Variants in GMDS observed in about 807,000 individuals in gnomAD.
The protein encoded by GMDS is GDP-mannose 4,6-dehydratase, also known as GDP-mannose 4,6 dehydratase.
In GMDS, 20 loss-of-function variants were observed where a neutral mutation model predicts 49.9. The ratio of observed to expected loss-of-function variants is 0.40; its 90% CI spans 0.28 to 0.58. The LOEUF (loss-of-function observed/expected upper bound fraction) is 0.58. GMDS is among the 20% of genes least tolerant of loss of function. The pLI, the probability that GMDS is intolerant of heterozygous loss-of-function variation, is 0.42. For missense variants in GMDS, 362 were observed against 481.4 expected, an observed-to-expected ratio of 0.75 and a Z score of 2.32; for synonymous variants, 177 against 178.6, an observed-to-expected ratio of 0.99 and a Z score of 0.07.
intron 4 of GMDS, among the ~76,000 whole-genome samples, chr6:2,002,485 C>A (rs1766886770): frequency 6.6e-6 from 1 of 152,152 alleles, no homozygotes; most frequent in Non-Finnish European, 1.5e-5. Flanking sequence ...GAACTAATGT[C>A]AAATATTAAT....
chr6:1,668,922 G>C (rs1764321884), intron 9 of GMDS, among the ~76,000 whole-genome samples: 1 of 152,218 alleles, frequency 6.6e-6, no homozygotes, highest in Non-Finnish European at 1.5e-5. Context: ...CAGGAGAACA[G>C]AGCCAGTGAG....
chr6:1,691,224 C>T (rs984697830), intron 9 of GMDS, among the ~76,000 whole-genome samples: 1 of 152,112 alleles, frequency 6.6e-6, no homozygotes, highest in Admixed American at 6.6e-5. Flanking sequence ...ATCGATGAAG[C>T]TGGAAGCCAT....
intron 4 of GMDS, among the ~76,000 whole-genome samples, chr6:2,106,729 G>C (rs1187718828): frequency 1.3e-5 from 2 of 152,018 alleles, no homozygotes; most frequent in Admixed American, 6.6e-5. Context: ...TGAGCGTGGT[G>C]GTGGGCACCT....
At chr6:1,957,718 G>A (rs780414833) in intron 6 of GMDS, among the ~76,000 whole-genome samples, 4 of 152,160 alleles carry the variant, frequency 2.6e-5, no homozygotes, top group Non-Finnish European at 4.4e-5. Context: ...GGATAGGGCT[G>A]GCAGTTATCA....
rs566510891 is a variant in GMDS at position 1,796,988 on chromosome 6, G to A, written c.772-54402C>T. ...GCCCAACAAATGATCCTTAGATCAT[G>A]ACTGCTGTGTGCTCAAGCAGGGATC... On this transcript the variant is annotated intron_variant, in intron 7 of 10. Coordinates refer to ENST00000380815, the MANE Select transcript of GMDS (RefSeq NM_001500.4). 6.9e-4 allele frequency among the ~76,000 whole-genome samples: 105 copies of A among 152,296 alleles called. 1 individual carries two copies. Among genetic ancestry groups the A allele is most frequent in the Admixed American group, 2.0e-3 (30 of 15,294 alleles).
chr6:1,686,590 T>C (rs1404507276), intron 9 of GMDS, among the ~76,000 whole-genome samples: 1 of 152,250 alleles, frequency 6.6e-6, no homozygotes, highest in Non-Finnish European at 1.5e-5. Context: ...TGCATCTATT[T>C]AAAGGATCTA....
At chr6:1,631,589 T>A (rs188903165) in intron 9 of GMDS, among the ~76,000 whole-genome samples, 50 of 152,220 alleles carry the variant, frequency 3.3e-4, no homozygotes, top group Non-Finnish European at 4.0e-4. Context: ...TCTCAATGTA[T>A]ACAGTATATT....
At chr6:2,239,413 T>C (rs1341463005) in intron 1 of GMDS, among the ~76,000 whole-genome samples, 3 of 151,928 alleles carry the variant, frequency 2.0e-5, no homozygotes, top group Non-Finnish European at 4.4e-5. Flanking sequence ...AATTGCATAA[T>C]TTCTCTATTG....
intron 7 of GMDS, among the ~76,000 whole-genome samples, chr6:1,904,650 C>A (rs1760666329): frequency 6.6e-6 from 1 of 152,216 alleles, no homozygotes; most frequent in Non-Finnish European, 1.5e-5. Context: ...AACAGTGACT[C>A]GCCGGCTCCC....
At chr6:1,740,077 G>T (rs950028465) in intron 8 of GMDS, among the ~76,000 whole-genome samples, 3 of 151,964 alleles carry the variant, frequency 2.0e-5, no homozygotes, top group Non-Finnish European at 4.4e-5. Context: ...ATAAACAAAA[G>T]TGCACATATT....
At chr6:1,945,921 C>T (rs1166367196) in intron 6 of GMDS, among the ~76,000 whole-genome samples, 6 of 152,142 alleles carry the variant, frequency 3.9e-5, no homozygotes, top group Admixed American at 2.6e-4. Context: ...ATGGTATTCC[C>T]AGGATAGTGT....
At chr6:1,746,466 A>T (rs1027436475) in intron 7 of GMDS, among the ~76,000 whole-genome samples, 2 of 152,180 alleles carry the variant, frequency 1.3e-5, no homozygotes, top group Admixed American at 6.5e-5. Flanking sequence ...ATGTCCCTTA[A>T]TTGCCAAAAA....
intron 7 of GMDS, among the ~76,000 whole-genome samples, chr6:1,783,480 G>C (rs1769194072): frequency 6.6e-6 from 1 of 152,092 alleles, no homozygotes; most frequent in Non-Finnish European, 1.5e-5. Context: ...TCAAGTATCA[G>C]ACAAACACTG....
intron 4 of GMDS, among the ~76,000 whole-genome samples, chr6:2,100,964 A>C (rs549210779): frequency 6.6e-6 from 1 of 152,156 alleles, no homozygotes; most frequent in South Asian, 2.1e-4. Flanking sequence ...AGATTAGTCA[A>C]AACTCTGTTA....
intron 1 of GMDS, among the ~76,000 whole-genome samples, chr6:2,230,137 T>C (rs1781018581): frequency 6.7e-6 from 1 of 149,256 alleles, no homozygotes; most frequent in Non-Finnish European, 1.5e-5. Context: ...CTCAGAGTCC[T>C]ACCACAGGAT....
At chr6:2,081,561 T>C (rs1772698212) in intron 4 of GMDS, among the ~76,000 whole-genome samples, 1 of 151,686 alleles carries the variant, frequency 6.6e-6, no homozygotes, top group Non-Finnish European at 1.5e-5. Flanking sequence ...CTTGCTCCCC[T>C]GACCTAGGCT....
chr6:2,129,325 G>A (rs1368467392), intron 1 of GMDS, among the ~76,000 whole-genome samples: 1 of 152,074 alleles, frequency 6.6e-6, no homozygotes, highest in East Asian at 1.9e-4. Flanking sequence ...CCGCAACACA[G>A]GAAGACTAGC....
chr6:1,852,218 G>A (rs1447153479), intron 7 of GMDS, among the ~76,000 whole-genome samples: 2 of 152,174 alleles, frequency 1.3e-5, no homozygotes, highest in African/African-American at 2.4e-5. Flanking sequence ...GGGGCATTAC[G>A]CAGTTCCCTC....
intron 6 of GMDS, among the ~76,000 whole-genome samples, chr6:1,958,674 C>G (rs1004477459): frequency 1.3e-5 from 2 of 151,810 alleles, no homozygotes; most frequent in Non-Finnish European, 2.9e-5. Flanking sequence ...TTTAATCTTT[C>G]TTCATGACTT....
Sources: allele counts gnomAD v4.1 joint callset (sites outside exome capture counted in the v4.1 genomes callset), GRCh38; gene constraint gnomAD v4.1.1; transcripts MANE v1.5; gene names NCBI Gene and HGNC (gene_info 2026-07-23, HGNC 2026-07-21).